The following CCBE1 variants were observed in gnomAD, a reference collection of about 807,000 sequenced individuals.
The protein encoded by CCBE1 is collagen and calcium binding EGF domains 1.
A neutral mutation model predicts 50.0 loss-of-function variants in CCBE1; 37 were observed. The ratio of observed to expected loss-of-function variants is 0.74; its 90% CI spans 0.57 to 0.97. The LOEUF is 0.97. CCBE1 is among the 50% of genes least tolerant of loss of function. CCBE1 has a pLI of 0.00. For synonymous variants in CCBE1, 234 were observed against 203.7 expected (o/e 1.15, Z -1.27); for missense variants, 538 against 523.8 (o/e 1.03, Z -0.26).
chr18:59,687,164 G>T (rs187255983), intron 2 of CCBE1, among the ~76,000 whole-genome samples: 2 of 152,292 alleles, frequency 1.3e-5, no homozygotes, highest in Admixed American at 1.3e-4. Flanking sequence ...AAGCTAAGAG[G>T]TCACAGTCAC....
intron 2 of CCBE1, among the ~76,000 whole-genome samples, chr18:59,622,039 G>A (rs1349363743): frequency 6.6e-6 from 1 of 152,132 alleles, no homozygotes; most frequent in African/African-American, 2.4e-5. Flanking sequence ...TCAGACTCCT[G>A]GCTCTCACTA....
intron 2 of CCBE1, among the ~76,000 whole-genome samples, chr18:59,524,364 CTA>C (rs1415555513): frequency 1.3e-5 from 2 of 152,046 alleles, no homozygotes; most frequent in African/African-American, 4.8e-5. Flanking sequence ...ATTCAAAAGA[CTA>C]TTTATATTTA....
At chr18:59,677,821 T>C (rs1360408501) in intron 2 of CCBE1, among the ~76,000 whole-genome samples, 1 of 152,124 alleles carries the variant, frequency 6.6e-6, no homozygotes, top group African/African-American at 2.4e-5. Context: ...AGTTTGAATA[T>C]ATTGAGAGAA....
rs141012693 is a variant in CCBE1, at chr18:59,566,139, G to A, written c.213-85901C>T. On this transcript the variant is annotated intron_variant, in intron 2 of 10. Coordinates refer to ENST00000439986, the MANE Select transcript of CCBE1 (RefSeq NM_133459.4). The stretch of plus-strand genomic sequence containing the variant: ...GCAACCGTGGCTACCAGGGTGCCCC[G>A]CAGGCAGCAGGTCAGGAAATCAATC... Among the ~76,000 whole-genome samples, 329 of 152,350 alleles carry A rather than the reference G, an allele frequency of 2.2e-3. 6 individuals are homozygous for A. In the East Asian group the frequency reaches 0.031, roughly 14 times the overall value.
chr18:59,697,523 T>C (rs1397301970), upstream of CCBE1: 1 of 794,260 alleles, frequency 1.3e-6, no homozygotes, highest in Non-Finnish European at 1.9e-6. Flanking sequence ...AAAATGAGGC[T>C]AGGAGTTGGG....
rs369444520 is a variant in CCBE1, at chr18:59,442,761, G to T, written c.776-2945C>A. On this transcript the variant is annotated intron_variant, in intron 7 of 10. Transcript: ENST00000439986. ...ATAAATAAATAAAAATAAAAATTGGGAGATTTCATATAAAAATCTGGGTTC... is the reference window on the plus strand; with the variant it reads ...ATAAATAAATAAAAATAAAAATTGGTAGATTTCATATAAAAATCTGGGTTC... Among the ~76,000 whole-genome samples the T allele has an allele frequency of 5.9e-5, 9 of 152,134 alleles. No homozygotes were observed. In the East Asian group the frequency reaches 9.7e-4, roughly 16 times the overall value.
rs750324482 is a variant in CCBE1, at chr18:59,625,430, CAAAAAAAAAA to C, written c.212+71189_212+71198del. On this transcript the variant is annotated intron_variant, in intron 2 of 10. Transcript: ENST00000439986. ...TGGGCTACAGAGTGAGATTCTGTCT[CAAAAAAAAAA>C]AAAAAAAAAAAAAATTGTAGCCATA... Among the ~76,000 whole-genome samples, 70 of 69,914 alleles carry C rather than the reference CAAAAAAAAAA, an allele frequency of 1.0e-3. 5 individuals are homozygous for C. The South Asian group carries it at 0.017, about 17-fold the overall frequency. 45.9% of individuals were successfully genotyped at this position (69,914 alleles called of 152,430 possible). A position where few individuals can be genotyped will look rare whatever the true frequency, so the allele number is the denominator to read the frequency against.
At chr18:59,674,733 A>G (rs1485414362) in intron 2 of CCBE1, among the ~76,000 whole-genome samples, 2 of 152,228 alleles carry the variant, frequency 1.3e-5, no homozygotes, top group African/African-American at 2.4e-5. Context: ...TAGCAAGCAC[A>G]ATCTCTTCTG....
intron 10 of CCBE1, among the ~76,000 whole-genome samples, chr18:59,436,803 TACAAAAATTTA>T (rs1476388144): frequency 2.0e-5 from 3 of 152,020 alleles, no homozygotes; most frequent in Non-Finnish European, 4.4e-5. Flanking sequence ...ACCCTGTCTC[TACAAAAATTTA>T]ACAAAAATTT....
intron 2 of CCBE1, among the ~76,000 whole-genome samples, chr18:59,565,041 T>C (rs2052799902): frequency 1.3e-5 from 2 of 152,188 alleles, no homozygotes; most frequent in Non-Finnish European, 2.9e-5. Flanking sequence ...ATGATGGGCT[T>C]GGCTAACACA....
chr18:59,539,000 A>G (rs1915359190), intron 2 of CCBE1, among the ~76,000 whole-genome samples: 1 of 151,900 alleles, frequency 6.6e-6, no homozygotes, highest in South Asian at 2.1e-4. Context: ...CAACATATCA[A>G]GATACCATCT....
At chr18:59,645,774 A>G (rs192686599) in intron 2 of CCBE1, among the ~76,000 whole-genome samples, 383 of 152,282 alleles carry the variant, frequency 2.5e-3, no homozygotes, top group African/African-American at 7.6e-3. Context: ...GCTCACGCCT[A>G]TAATCCCAGC....
chr18:59,491,405 AT>A (rs1393569211), intron 2 of CCBE1, among the ~76,000 whole-genome samples: 1 of 152,170 alleles, frequency 6.6e-6, no homozygotes, highest in Non-Finnish European at 1.5e-5. Context: ...TAAGCTGCAA[AT>A]GTGGGCATTT....
At position 59,644,598 on chromosome 18, in the gene CCBE1, C is replaced by T. The variant is rs147381167; in HGVS notation, c.212+52031G>A. Among the ~76,000 whole-genome samples, 388 of 152,354 alleles carry T rather than the reference C, an allele frequency of 2.5e-3. 2 individuals are homozygous for T. The highest frequency in any genetic ancestry group is 8.8e-3 in the African/African-American group (367 of 41,590). On this transcript the variant is annotated intron_variant, in intron 2 of 10. Coordinates refer to ENST00000439986, the MANE Select transcript of CCBE1 (RefSeq NM_133459.4). The stretch of plus-strand genomic sequence containing the variant: ...CTAACTGAATGCTGCAGTAGTTAAT[C>T]TTTTCAAGTACTATTTGCCATTTTA...
At chr18:59,577,771 T>C (rs2053020858) in intron 2 of CCBE1, among the ~76,000 whole-genome samples, 1 of 152,174 alleles carries the variant, frequency 6.6e-6, no homozygotes, top group Non-Finnish European at 1.5e-5. Flanking sequence ...CAAAGTGAAT[T>C]AGTCACAAAG....
At chr18:59,449,616 G>A (rs1323503972) in intron 6 of CCBE1, among the ~76,000 whole-genome samples, 4 of 117,426 alleles carry the variant, frequency 3.4e-5, no homozygotes, top group African/African-American at 1.1e-4. Context: ...AACAGAGTGA[G>A]ACTCTGTCCA....
Position 59,633,875 on chromosome 18 carries a change from G to C in CCBE1, c.212+62754C>G, listed in dbSNP as rs536345176. Among the ~76,000 whole-genome samples, 12 of 152,250 alleles carry C rather than the reference G, an allele frequency of 7.9e-5. No individual in the cohort carries two copies. In the South Asian group the frequency reaches 1.2e-3, roughly 16 times the overall value. On this transcript the variant is annotated intron_variant, in intron 2 of 10. Coordinates refer to ENST00000439986, the MANE Select transcript of CCBE1 (RefSeq NM_133459.4). The stretch of plus-strand genomic sequence containing the variant: ...ATTGCATAAACTCCAAAACAAAGGT[G>C]ATATCTTGACTTAACATAGGAAAAT...
chr18:59,570,651 AG>A (rs1332191419), intron 2 of CCBE1, among the ~76,000 whole-genome samples: 1 of 151,584 alleles, frequency 6.6e-6, no homozygotes, highest in Non-Finnish European at 1.5e-5. Context: ...AGAAAATGAA[AG>A]GGAAGTCATC....
At chr18:59,501,155 G>A (rs1270982402) in intron 2 of CCBE1, among the ~76,000 whole-genome samples, 1 of 152,228 alleles carries the variant, frequency 6.6e-6, no homozygotes. Context: ...ATGCAGACAT[G>A]GATGTGGTGA....
Sources: allele counts gnomAD v4.1 joint callset (sites outside exome capture counted in the v4.1 genomes callset), GRCh38; gene constraint gnomAD v4.1.1; transcripts MANE v1.5; gene names NCBI Gene and HGNC (gene_info 2026-07-23, HGNC 2026-07-21).